Variants in ZFHX3 observed in about 807,000 individuals in gnomAD.
ZFHX3 encodes zinc finger homeobox protein 3.
Under a neutral mutation model 279.1 loss-of-function variants are expected in ZFHX3, and 42 were observed. That is an observed-to-expected ratio of 0.15 (90% CI 0.12 to 0.19). The LOEUF is 0.19. Among genes scored for constraint, ZFHX3 ranks in the 10% least tolerant of loss-of-function variants. ZFHX3 has a pLI of 1.00. For missense variants in ZFHX3, 4,981 were observed against 4,754.0 expected (o/e 1.05, Z -1.40); for synonymous variants, 2,293 against 1,957.8 (o/e 1.17, Z -4.52).
chr16:73,259,140 G>A (rs2013744057), intron 4 of ZFHX3, among the ~76,000 whole-genome samples: 1 of 152,184 alleles, frequency 6.6e-6, no homozygotes, highest in Admixed American at 6.5e-5. Context: ...CACAGCGCGG[G>A]GAACATGACT....
At chr16:72,840,984 A>C (rs1217287771) in intron 4 of ZFHX3, among the ~76,000 whole-genome samples, 1 of 152,212 alleles carries the variant, frequency 6.6e-6, no homozygotes, top group Non-Finnish European at 1.5e-5. Flanking sequence ...GCCAGACCCA[A>C]GCATATACAA....
Position 72,788,005 on chromosome 16 carries a change from T to C in ZFHX3, c.10271A>G (p.Gln3424Arg), listed in dbSNP as rs1368376054. The C allele has an allele frequency of 2.5e-6, 4 of 1,613,360 alleles. No homozygotes were observed. The South Asian group carries it at 3.3e-5, about 13-fold the overall frequency. The change falls in exon 10 of 10, where the codon CAG (glutamine) becomes CGG (arginine). Residue 3424 changes from glutamine to arginine, a missense_variant. Transcript: ENST00000268489. ...PAKESPKPEE[Q>R]KNTPREVSPL... Reference sequence around the variant, plus strand: ...GGACACCTCACGGGGGGTGTTTTTCTGTTCTTCTGGTTTGGGGGATTCTTT... The same window carrying C: ...GGACACCTCACGGGGGGTGTTTTTCCGTTCTTCTGGTTTGGGGGATTCTTT...
intron 1 of ZFHX3, among the ~76,000 whole-genome samples, chr16:73,713,706 C>G (rs1034267004): frequency 1.3e-5 from 2 of 151,738 alleles, no homozygotes; most frequent in Non-Finnish European, 2.9e-5. Context: ...ATTGAGCTTA[C>G]TGTCCACAAA....
At position 73,185,406 on chromosome 16, in the gene ZFHX3, T is replaced by G. The variant is rs1419563481; in HGVS notation, c.-1103-41575A>C. ...TGTCCAACGTTGCACAGCTTGCAAG[T>G]GGCAGAGCAAAGGGCGGAACCCAAG... On this transcript the variant is annotated intron_variant, in intron 5 of 17. Coordinates refer to the ZFHX3 transcript ENST00000641206. Among the ~76,000 whole-genome samples the G allele has an allele frequency of 2.0e-5, 3 of 152,198 alleles. No individual in the cohort carries two copies. In the East Asian group the frequency reaches 5.8e-4, roughly 29 times the overall value.
chr16:73,224,313 C>T (rs1796475288), intron 5 of ZFHX3, among the ~76,000 whole-genome samples: 1 of 152,196 alleles, frequency 6.6e-6, no homozygotes, highest in Admixed American at 6.5e-5. Context: ...TCCTGCTTCT[C>T]AATTTTGCTG....
chr16:73,099,710 CAAAA>C (rs756694525), intron 7 of ZFHX3, among the ~76,000 whole-genome samples: 1 of 90,958 alleles, frequency 1.1e-5, no homozygotes, highest in Non-Finnish European at 2.2e-5. Context: ...GACTCCATCT[CAAAA>C]AAAAAAAAAA....
At chr16:73,254,160 G>A (rs1229002542) in intron 5 of ZFHX3, among the ~76,000 whole-genome samples, 1 of 152,128 alleles carries the variant, frequency 6.6e-6, no homozygotes, top group Non-Finnish European at 1.5e-5. Flanking sequence ...AACAGGCAAT[G>A]GTTGCTTGGG....
At chr16:73,139,120 G>A (rs1966839602) in intron 6 of ZFHX3, among the ~76,000 whole-genome samples, 1 of 152,142 alleles carries the variant, frequency 6.6e-6, no homozygotes, top group South Asian at 2.1e-4. Context: ...GATTCACTAA[G>A]CACAAAGATG....
chr16:73,076,231 G>A (rs1965885452), intron 8 of ZFHX3, among the ~76,000 whole-genome samples: 1 of 152,176 alleles, frequency 6.6e-6, no homozygotes, highest in African/African-American at 2.4e-5. Context: ...GCATTGCAGG[G>A]TTGCAGCGTG....
intron 1 of ZFHX3, among the ~76,000 whole-genome samples, chr16:73,844,800 G>GGGTA (rs1961403820): frequency 2.0e-5 from 3 of 151,812 alleles, no homozygotes. Flanking sequence ...GACAGATGAT[G>GGGTA]GGTAGATCAA....
chr16:73,631,634 G>A (rs2052469807), intron 2 of ZFHX3, among the ~76,000 whole-genome samples: 1 of 152,200 alleles, frequency 6.6e-6, no homozygotes, highest in Non-Finnish European at 1.5e-5. Context: ...GCTGGGCGCA[G>A]TGGCTCACAC....
intron 1 of ZFHX3, among the ~76,000 whole-genome samples, chr16:73,726,491 G>T (rs1212641349): frequency 6.6e-6 from 1 of 152,188 alleles, no homozygotes; most frequent in Non-Finnish European, 1.5e-5. Context: ...GATGTTTAAA[G>T]CTATCTGTAG....
At chr16:73,699,469 T>C (rs1191390795) in intron 1 of ZFHX3, among the ~76,000 whole-genome samples, 1 of 152,200 alleles carries the variant, frequency 6.6e-6, no homozygotes, top group East Asian at 1.9e-4. Context: ...TGAAAAGCTT[T>C]TCATATAGGG....
In ZFHX3 at chr16:73,055,847, TAC is replaced by T. The variant is rs10672414; in HGVS notation, c.-24+2681_-24+2682del. ...CCCCAAATCCTCATACCTACAACTC[TAC>T]ACACACACACACACACACACACACG... On this transcript the variant is annotated intron_variant, in intron 1 of 8. Transcript: ENST00000397992. Among the ~76,000 whole-genome samples the T allele has an allele frequency of 9.8e-3, 1,357 of 138,370 alleles. 11 individuals carry two copies. Among genetic ancestry groups the T allele is most frequent in the Non-Finnish European group, 0.014 (924 of 63,908 alleles). 90.8% of individuals were successfully genotyped at this position (138,370 alleles called of 152,430 possible).
intron 3 of ZFHX3, among the ~76,000 whole-genome samples, chr16:73,339,336 G>A (rs917075683): frequency 6.6e-6 from 1 of 152,128 alleles, no homozygotes; most frequent in African/African-American, 2.4e-5. Context: ...CTCCAGTTGT[G>A]AGTGAACTCC....
At chr16:73,172,062 A>T (rs1967539848) in intron 5 of ZFHX3, among the ~76,000 whole-genome samples, 1 of 151,982 alleles carries the variant, frequency 6.6e-6, no homozygotes, top group South Asian at 2.1e-4. Flanking sequence ...CTCGCCAGCC[A>T]CTCCATTTCC....
intron 5 of ZFHX3, among the ~76,000 whole-genome samples, chr16:73,186,034 G>A (rs1055722043): frequency 3.9e-5 from 6 of 151,988 alleles, no homozygotes; most frequent in South Asian, 2.1e-4. Context: ...TCTAGGTTGC[G>A]CACTCCCTGT....
At chr16:73,376,742 T>A (rs2016729221) in intron 3 of ZFHX3, among the ~76,000 whole-genome samples, 1 of 152,164 alleles carries the variant, frequency 6.6e-6, no homozygotes, top group South Asian at 2.1e-4. Flanking sequence ...ATCTTCTGTG[T>A]CAATGGACGA....
rs373134948 is a variant in ZFHX3, at chr16:73,561,891, C to T, written c.-1546-105633G>A. On this transcript the variant is annotated intron_variant, in intron 2 of 17. Coordinates refer to the ZFHX3 transcript ENST00000641206. ...CTGGGCTAAGCTGTGGGGGCCTCCT[C>T]TCCACTCTGGAGCAGTTTTGCATTT... 1.1e-4 allele frequency among the ~76,000 whole-genome samples: 16 copies of T among 152,282 alleles called. No individual in the cohort carries two copies. The East Asian group carries it at 2.3e-3, about 22-fold the overall frequency.
Sources: allele counts gnomAD v4.1 joint callset (sites outside exome capture counted in the v4.1 genomes callset), GRCh38; gene constraint gnomAD v4.1.1; transcripts MANE v1.5; gene names NCBI Gene and HGNC (gene_info 2026-07-23, HGNC 2026-07-21).